AANAT: variants seen among roughly 807,000 people sequenced by gnomAD.
AANAT encodes the protein serotonin N-acetyltransferase.
A neutral mutation model predicts 15.6 loss-of-function variants in AANAT; 11 were observed. The observed-to-expected ratio is 0.71, with a 90% CI of 0.44 to 1.17. The LOEUF (loss-of-function observed/expected upper bound fraction) is 1.17. Ranked by LOEUF, AANAT falls within the 50% of genes most tolerant of loss-of-function variation. The pLI, the probability that AANAT is intolerant of heterozygous loss-of-function variation, is 0.00. For missense variants in AANAT, 286 were observed against 296.3 expected, an observed-to-expected ratio of 0.97 and a Z score of 0.26; for synonymous variants, 139 against 131.5, an observed-to-expected ratio of 1.06 and a Z score of -0.39.
chr17:76,463,093 C>T (rs2073405043), upstream of AANAT, among the ~76,000 whole-genome samples: 1 of 152,142 alleles, frequency 6.6e-6, no homozygotes, highest in Non-Finnish European at 1.5e-5. Flanking sequence ...GCTCACTGCC[C>T]CTGCACCAGG....
chr17:76,468,469 T>C (rs2073464280), intron 1 of AANAT: 1 of 587,520 alleles, frequency 1.7e-6, no homozygotes, highest in African/African-American at 1.9e-5. Flanking sequence ...TCCTTCTGGC[T>C]GAGAGGGAAA....
At chr17:76,458,047 A>AAAGAAAAT (rs752924691) in intron 1 of AANAT, among the ~76,000 whole-genome samples, 7 of 152,090 alleles carry the variant, frequency 4.6e-5, no homozygotes, top group South Asian at 2.1e-4. Context: ...AAAAAGAAAA[A>AAAGAAAAT]AAGAAAATTA....
At chr17:76,466,064 G>C, upstream of AANAT, 1 of 969,652 alleles carries the variant, frequency 1.0e-6, no homozygotes, top group Non-Finnish European at 1.6e-6. Context: ...GGTGTTGTCC[G>C]GAAAGAACAG....
chr17:76,469,598 TTGGTGGTTGGGGGGG>T lies in AANAT; in HGVS notation c.319-66_319-52del. The T allele has an allele frequency of 1.4e-6, 2 of 1,414,004 alleles. No individual in the cohort carries two copies. The highest frequency in any genetic ancestry group is 3.0e-5 in the South Asian group (2 of 66,924). The allele number at this position is 1,414,004 out of a possible 1,614,324, so 87.6% of individuals were successfully genotyped here. On this transcript the variant is annotated intron_variant, in intron 3 of 3. Coordinates refer to ENST00000392492, the MANE Select transcript of AANAT (RefSeq NM_001088.3). This position sits in a 1 kb window ranked among gnomAD's most constrained non-coding sequence, Gnocchi z 5.2. The stretch of plus-strand genomic sequence containing the variant: ...AGGGGACACCTGCTCCCTGCCTGGG[TTGGTGGTTGGGGGGG>T]AGCACGTGTCAGCAGAAGTGACCTG...
chr17:76,465,829 A>T, upstream of AANAT: 1 of 300,742 alleles, frequency 3.3e-6, no homozygotes, highest in Non-Finnish European at 6.5e-6. Context: ...CATGTTTAAC[A>T]TACCGCCTCA....
Position 76,468,715 on chromosome 17 carries a change from T to G in AANAT, c.-32T>G. ...TGGCTTAGGAGGACACTTCCAAAGCTGGGGCGCCCCAAGGAGGCACCAGTG... is the reference window on the plus strand; with the variant it reads ...TGGCTTAGGAGGACACTTCCAAAGCGGGGGCGCCCCAAGGAGGCACCAGTG... On this transcript the variant is annotated 5_prime_UTR_variant, in exon 2 of 4. Coordinates refer to ENST00000392492, the MANE Select transcript of AANAT (RefSeq NM_001088.3). 6.3e-7 allele frequency: 1 copy of G among 1,595,416 alleles called. No homozygotes were observed. Among genetic ancestry groups the G allele is most frequent in the Non-Finnish European group, 8.5e-7 (1 of 1,172,852 alleles).
chr17:76,460,703 G>A (rs989398157), intron 2 of AANAT, among the ~76,000 whole-genome samples: 4 of 152,170 alleles, frequency 2.6e-5, no homozygotes, highest in African/African-American at 4.8e-5. Context: ...TTGGGGAGCC[G>A]TAGGTCCCTT....
intron 1 of AANAT, among the ~76,000 whole-genome samples, chr17:76,454,541 G>A (rs1036934834): frequency 1.1e-4 from 17 of 152,088 alleles, no homozygotes; most frequent in East Asian, 3.9e-4. Context: ...AGGGCCAGGC[G>A]TGGTGGCTCA....
At chr17:76,466,247 C>A, upstream of AANAT, 4 of 1,529,454 alleles carry the variant, frequency 2.6e-6, no homozygotes, top group Non-Finnish European at 3.5e-6. Context: ...GGATGCCCAG[C>A]TGAGGTCTTG....
upstream of AANAT, among the ~76,000 whole-genome samples, chr17:76,466,675 G>A (rs1049738940): frequency 6.6e-6 from 1 of 152,200 alleles, no homozygotes; most frequent in Non-Finnish European, 1.5e-5. Context: ...CTCTGAGCAG[G>A]TTACTGAACC....
At chr17:76,468,566 C>T in intron 1 of AANAT, 106 bp from the exon 2 acceptor site, 1 of 984,786 alleles carries the variant, frequency 1.0e-6, no homozygotes, top group Non-Finnish European at 1.5e-6. Context: ...GATTTAGGGG[C>T]TGTCTCCACC....
At chr17:76,455,574 G>C (rs2073335682) in intron 1 of AANAT, among the ~76,000 whole-genome samples, 1 of 152,200 alleles carries the variant, frequency 6.6e-6, no homozygotes, top group African/African-American at 2.4e-5. Flanking sequence ...ACCTTTCTCA[G>C]TCAACATCAT....
intron 1 of AANAT, among the ~76,000 whole-genome samples, chr17:76,458,748 G>A (rs887312782): frequency 1.2e-4 from 19 of 152,180 alleles, no homozygotes; most frequent in Non-Finnish European, 2.5e-4. Flanking sequence ...TGCCCTCTGC[G>A]GGAGCCTGCT....
chr17:76,464,491 G>C (rs1598638137), upstream of AANAT, among the ~76,000 whole-genome samples: 1 of 152,182 alleles, frequency 6.6e-6, no homozygotes, highest in African/African-American at 2.4e-5. Flanking sequence ...GATCGAAAGA[G>C]GCCAGGCTGG....
upstream of AANAT, among the ~76,000 whole-genome samples, chr17:76,463,654 G>GA (rs1284032965): frequency 6.6e-6 from 1 of 152,080 alleles, no homozygotes; most frequent in Non-Finnish European, 1.5e-5. Flanking sequence ...CCTGTTGGCA[G>GA]AATCTGAGAT....
upstream of AANAT, among the ~76,000 whole-genome samples, chr17:76,462,801 C>G (rs1431140846): frequency 6.6e-6 from 1 of 152,094 alleles, no homozygotes; most frequent in Non-Finnish European, 1.5e-5. Flanking sequence ...TCGAAACCAC[C>G]AAAAAAATGC....
intron 1 of AANAT, among the ~76,000 whole-genome samples, chr17:76,457,563 C>G (rs1166681165): frequency 6.6e-6 from 1 of 152,184 alleles, no homozygotes; most frequent in Non-Finnish European, 1.5e-5. Flanking sequence ...GCCAGATACT[C>G]TACTAAGTGC....
At chr17:76,458,878 G>A (rs1401624887) in intron 1 of AANAT, among the ~76,000 whole-genome samples, 3 of 152,248 alleles carry the variant, frequency 2.0e-5, no homozygotes, top group Non-Finnish European at 2.9e-5. Context: ...CTGGGGGGTG[G>A]GGTGGGAGGT....
At position 76,469,698 on chromosome 17, in the gene AANAT, A is replaced by G. The variant is rs1395297133; in HGVS notation, c.352A>G (p.Ile118Val). ...GACGCTGCACAGGTCTGGGGGCCAC[A>G]TAGCCCACCTGCATGTGCTGGCCGT... ...SLTLHRSGGH[I>V]AHLHVLAVHR... The change falls in exon 4 of 4, where the codon ATA becomes GTA. Residue 118 changes from isoleucine (I) to valine (V), a missense_variant. By Grantham distance (29) the Ile-to-Val change is conservative (BLOSUM62 3). Transcript: ENST00000392492. This position sits in a 1 kb window ranked among gnomAD's most constrained non-coding sequence, Gnocchi z 5.2. The G allele has an allele frequency of 6.5e-7, 1 of 1,526,924 alleles. No individual in the cohort carries two copies. The allele number at this position is 1,526,924 out of a possible 1,614,324, so 94.6% of individuals were successfully genotyped here. A position where few individuals can be genotyped will look rare whatever the true frequency, so the allele number is the denominator to read the frequency against.
Sources: allele counts gnomAD v4.1 joint callset (sites outside exome capture counted in the v4.1 genomes callset), GRCh38; gene constraint gnomAD v4.1.1; non-coding constraint Gnocchi (gnomAD v3.1); transcripts MANE v1.5; gene names NCBI Gene and HGNC (gene_info 2026-07-23, HGNC 2026-07-21).